The following CLIP1 variants were observed in gnomAD, a reference collection of about 807,000 sequenced individuals.
CLIP1 encodes the protein CAP-Gly domain containing linker protein 1, also known as CAP-Gly domain-containing linker protein 1.
A neutral mutation model predicts 161.6 loss-of-function variants in CLIP1; 66 were observed. That is an observed-to-expected ratio of 0.41 (90% CI 0.33 to 0.50). CLIP1 has a LOEUF of 0.50. Ranked by LOEUF, CLIP1 falls within the 20% of genes least tolerant of loss-of-function variation. CLIP1 has a pLI of 0.27. For synonymous variants in CLIP1, 598 were observed against 626.2 expected, an observed-to-expected ratio of 0.96 and a Z score of 0.67; for missense variants, 1,376 against 1,702.0, an observed-to-expected ratio of 0.81 and a Z score of 3.37.
chr12:122,284,158 C>T (rs1189010840), intron 21 of CLIP1, among the ~76,000 whole-genome samples: 1 of 151,878 alleles, frequency 6.6e-6, no homozygotes, highest in African/African-American at 2.4e-5. Context: ...GGTTAATTAA[C>T]AAACAAACAA....
intron 1 of CLIP1, among the ~76,000 whole-genome samples, chr12:122,419,238 CAG>C (rs1956853054): frequency 6.6e-6 from 1 of 151,822 alleles, no homozygotes; most frequent in Non-Finnish European, 1.5e-5. Context: ...AGGCATGTGA[CAG>C]ATTCCTGTTG....
chr12:122,414,986 A>G (rs536748365), intron 1 of CLIP1, among the ~76,000 whole-genome samples: 28 of 152,068 alleles, frequency 1.8e-4, no homozygotes, highest in Admixed American at 1.8e-3. Context: ...TGAACCCAGG[A>G]GGTGGAGGCT....
intron 10 of CLIP1, among the ~76,000 whole-genome samples, chr12:122,345,747 T>C (rs1952716717): frequency 6.6e-6 from 1 of 152,028 alleles, no homozygotes; most frequent in Non-Finnish European, 1.5e-5. Flanking sequence ...TTTAAAAGGG[T>C]ATGTGACTAC....
At position 122,377,685 on chromosome 12, in the gene CLIP1, G is replaced by A. The variant is rs1015081775; in HGVS notation, c.361C>T (p.Pro121Ser). The A allele has an allele frequency of 1.9e-6, 3 of 1,613,526 alleles. No homozygotes were observed. The highest frequency in any genetic ancestry group is 3.3e-5 in the Admixed American group (2 of 59,878). The part of the protein sequence containing the change: ...CEPLKGIFTR[P>S]SKLTRKVQAE... ...TGCACCTTCCTTGTTAACTTTGAAG[G>A]TCGGGTAAATATGCCCTTTAAAGGT... The change falls in exon 3 of 26, where the codon CCT becomes TCT. Residue 121 changes from proline to serine, a missense_variant. Coordinates refer to ENST00000620786, the MANE Select transcript of CLIP1 (RefSeq NM_001247997.2).
In CLIP1 at chr12:122,327,979, C is replaced by T; in HGVS notation, c.3217G>A (p.Glu1073Lys). The T allele has an allele frequency of 6.2e-7, 1 of 1,614,094 alleles. No homozygotes were observed. The highest frequency in any genetic ancestry group is 8.5e-7 in the Non-Finnish European group (1 of 1,179,980). The part of the protein sequence containing the change: ...EENSGLLQEL[E>K]ELRKQADKAK... ...TTGTCGGCTTGCTTTCTCAGCTCCT[C>T]CAGCTCCTGCAGCAAGCCACTGTTC... The change falls in exon 17 of 26, where the codon GAG (glutamate) becomes AAG (lysine). Residue 1073 changes from glutamate (E) to lysine (K), a missense_variant. By Grantham distance (56) the Glu-to-Lys change is moderately conservative. Around this residue, in one of 6 missense-constraint regions of CLIP1, gnomAD observed 948 missense variants for 1,134.8 expected, o/e 0.84. Transcript: ENST00000620786.
chr12:122,354,664 T>TA, intron 6 of CLIP1, 108 bp from the exon 7 acceptor site: 1 of 770,600 alleles, frequency 1.3e-6, no homozygotes, highest in Admixed American at 2.4e-5. Flanking sequence ...GGCGTTACTC[T>TA]AAAACCTTAT....
intron 15 of CLIP1, among the ~76,000 whole-genome samples, chr12:122,332,295 C>CAA (rs1184288063): frequency 1.6e-5 from 1 of 61,278 alleles, no homozygotes. Context: ...AACTCCGTCT[C>CAA]AAAAAAAAAA....
At chr12:122,319,178 T>G in intron 18 of CLIP1, 54 bp downstream of exon 18, 3 of 1,229,384 alleles carry the variant, frequency 2.4e-6, no homozygotes. Context: ...GACCAAACAT[T>G]CTACCAAGTT....
chr12:122,288,390 C>G (rs1028181432), intron 21 of CLIP1, 99 bp downstream of exon 21: 14 of 1,032,910 alleles, frequency 1.4e-5, no homozygotes, highest in Non-Finnish European at 1.8e-5. Flanking sequence ...TTTTCTGAAT[C>G]TAAGAAGGTC....
intron 17 of CLIP1, among the ~76,000 whole-genome samples, chr12:122,325,553 C>T (rs1951681866): frequency 6.6e-6 from 1 of 152,180 alleles, no homozygotes; most frequent in Non-Finnish European, 1.5e-5. Context: ...GCGATCTCGG[C>T]TCACTGCAAC....
intron 20 of CLIP1, among the ~76,000 whole-genome samples, chr12:122,299,265 C>A (rs1156603530): frequency 6.6e-6 from 1 of 152,080 alleles, no homozygotes; most frequent in African/African-American, 2.4e-5. Flanking sequence ...CTTCTCTGTG[C>A]CAGGCAATGG....
chr12:122,331,709 T>C (rs1304364691), intron 15 of CLIP1, among the ~76,000 whole-genome samples: 1 of 152,192 alleles, frequency 6.6e-6, no homozygotes, highest in East Asian at 1.9e-4. Context: ...TTAAAATAAG[T>C]TCAGGCCAGG....
chr12:122,390,178 T>TAA lies in CLIP1; in HGVS notation c.-106-9621_-106-9620insTT, dbSNP rs1364879687. ...AATAAATTACACAGTCTCAGATATATATATATATATATATATATAATATAT... is the reference window on the plus strand; with the variant it reads ...AATAAATTACACAGTCTCAGATATATAAATATATATATATATATATAATATAT... On this transcript the variant is annotated intron_variant, in intron 1 of 25. Transcript: ENST00000620786. Among the ~76,000 whole-genome samples, 6 of 117,050 alleles carry TAA rather than the reference T, an allele frequency of 5.1e-5. No individual in the cohort carries two copies. The East Asian group carries it at 1.4e-3, about 26-fold the overall frequency. The allele number at this position is 117,050 out of a possible 152,430, so 76.8% of individuals were successfully genotyped here.
rs1488936098 is a variant in CLIP1, at chr12:122,340,931, A to G, written c.2273T>C (p.Val758Ala). 2.5e-6 allele frequency: 4 copies of G among 1,614,000 alleles called. No homozygotes were observed. Among genetic ancestry groups the G allele is most frequent in the Non-Finnish European group, 3.4e-6 (4 of 1,180,030 alleles). ...GAGCTGTGATGTAAAATTATCAATA[A>G]CCTTGGTTTGTTCATTGCATTTGGC... ...LQAKCNEQTK[V>A]IDNFTSQLKA... The change falls in exon 11 of 26, where the codon GTT becomes GCT. Residue 758 changes from valine (V) to alanine (A), a missense_variant. By Grantham distance (64) the Val-to-Ala change is moderately conservative. Around this residue, in one of 6 missense-constraint regions of CLIP1, gnomAD observed 948 missense variants for 1,134.8 expected, o/e 0.84. Transcript: ENST00000620786.
chr12:122,387,671 C>G (rs1316338560), intron 1 of CLIP1, among the ~76,000 whole-genome samples: 1 of 144,186 alleles, frequency 6.9e-6, no homozygotes, highest in Non-Finnish European at 1.5e-5. Context: ...ACGATCACAG[C>G]TCACTGTAGC....
intron 1 of CLIP1, among the ~76,000 whole-genome samples, chr12:122,412,938 A>G (rs1366859604): frequency 1.3e-5 from 2 of 152,208 alleles, no homozygotes; most frequent in Non-Finnish European, 2.9e-5. Flanking sequence ...TCTCAAGATG[A>G]CAACCTAAGC....
At chr12:122,300,200 G>A (rs999008743) in intron 20 of CLIP1, among the ~76,000 whole-genome samples, 1 of 152,186 alleles carries the variant, frequency 6.6e-6, no homozygotes, top group Non-Finnish European at 1.5e-5. Context: ...AGCCAGGGCA[G>A]TAGAGACTGC....
intron 10 of CLIP1, chr12:122,342,476 AG>A (rs1216214996): frequency 6.6e-6 from 1 of 152,172 alleles, no homozygotes; most frequent in African/African-American, 2.4e-5. Flanking sequence ...ATCTGAAGTG[AG>A]GTGTGGTATA....
chr12:122,420,421 G>A (rs1053525675), intron 1 of CLIP1, among the ~76,000 whole-genome samples: 11 of 152,032 alleles, frequency 7.2e-5, no homozygotes, highest in African/African-American at 2.7e-4. Flanking sequence ...CTTATGTCAT[G>A]CTGAAGTGCA....
Sources: gnomAD v4.1 joint callset for allele counts (sites outside exome capture counted in the v4.1 genomes callset) on GRCh38, gnomAD v4.1.1 for gene constraint, gnomAD v4.1.1 regional missense constraint, MANE v1.5 for transcripts, NCBI Gene and HGNC (gene_info 2026-07-23, HGNC 2026-07-21) for gene names.